Variants in BNIP2 observed in about 807,000 individuals in gnomAD.
BNIP2 encodes BCL2 interacting protein 2, also known as BCL2/adenovirus E1B 19 kDa protein-interacting protein 2.
In BNIP2, 36 loss-of-function variants were observed where a neutral mutation model predicts 43.4. The ratio of observed to expected loss-of-function variants is 0.83; its 90% CI spans 0.64 to 1.10. The LOEUF (loss-of-function observed/expected upper bound fraction) is 1.10. Among genes scored for constraint, BNIP2 ranks in the 50% least tolerant of loss-of-function variants. The pLI is 0.00. For missense variants in BNIP2, 417 were observed against 374.1 expected (o/e 1.11, Z -0.95); for synonymous variants, 146 against 121.0 (o/e 1.21, Z -1.35).
intron 9 of BNIP2, among the ~76,000 whole-genome samples, 193 bp from the exon 10 acceptor site, chr15:59,664,313 T>C (rs1892436872): frequency 6.6e-6 from 1 of 152,190 alleles, no homozygotes; most frequent in South Asian, 2.1e-4. Context: ...AGGAGGACAC[T>C]GGCAAGAAAT....
chr15:59,674,833 C>T (rs779266429), intron 5 of BNIP2, among the ~76,000 whole-genome samples: 12 of 152,210 alleles, frequency 7.9e-5, no homozygotes, highest in Non-Finnish European at 1.3e-4. Flanking sequence ...GGATTTATAA[C>T]TTAAACTTTT....
chr15:59,669,770 GAGA>G (rs1409079700), intron 7 of BNIP2, among the ~76,000 whole-genome samples: 1 of 152,188 alleles, frequency 6.6e-6, no homozygotes, highest in Non-Finnish European at 1.5e-5. Context: ...AGTGTGAGTG[GAGA>G]AGATGACCAC....
intron 1 of BNIP2, chr15:59,688,830 G>GCC: frequency 1.3e-6 from 2 of 1,531,958 alleles, no homozygotes; most frequent in East Asian, 4.9e-5. Flanking sequence ...GGGTAAAAGG[G>GCC]TGGGGGAGCG....
Position 59,669,087 on chromosome 15 carries a change from C to G in BNIP2, c.795-97G>C, listed in dbSNP as rs1003669402. ...CAAAAATCATGTCATTTTGAATGTT[C>G]AAAACACAAAAAGATGATAAATGTC... On this transcript the variant is annotated intron_variant, in intron 8 of 9. Coordinates refer to ENST00000607373, the MANE Select transcript of BNIP2 (RefSeq NM_004330.4). The G allele has an allele frequency of 9.1e-6, 11 of 1,206,164 alleles. No individual in the cohort carries two copies. The African/African-American group carries it at 1.5e-4, about 17-fold the overall frequency. The allele number at this position is 1,206,164 out of a possible 1,614,324, so 74.7% of individuals were successfully genotyped here. A position where few individuals can be genotyped will look rare whatever the true frequency, so the allele number is the denominator to read the frequency against.
Position 59,689,182 on chromosome 15 carries a change from G to GCGA in BNIP2, c.-108_-106dup. ...TCGTCCTCTTCGCCCCTCCAGGCCG[G>GCGA]CGACGTGGGGCTGACGGCCAGGTCG... is the stretch of plus-strand genomic sequence containing the variant. On this transcript the variant is annotated 5_prime_UTR_variant, in exon 1 of 10. Coordinates refer to ENST00000607373, the MANE Select transcript of BNIP2 (RefSeq NM_004330.4). The GCGA allele has an allele frequency of 1.3e-6, 2 of 1,538,852 alleles. No homozygotes were observed. Among genetic ancestry groups the GCGA allele is most frequent in the Non-Finnish European group, 1.7e-6 (2 of 1,146,436 alleles).
intron 1 of BNIP2, among the ~76,000 whole-genome samples, chr15:59,685,091 C>G (rs1291368646): frequency 6.6e-6 from 1 of 152,180 alleles, no homozygotes; most frequent in African/African-American, 2.4e-5. Flanking sequence ...ATATTAATTT[C>G]TATTTGTAAA....
chr15:59,664,175 C>A, intron 9 of BNIP2, 55 bp from the exon 10 acceptor site: 1 of 1,213,514 alleles, frequency 8.2e-7, no homozygotes, highest in South Asian at 1.5e-5. Context: ...AATTTTCTTT[C>A]TAAAAATAAT....
chr15:59,676,954 T>C (rs760369781), intron 5 of BNIP2: 2 of 1,613,080 alleles, frequency 1.2e-6, no homozygotes, highest in Non-Finnish European at 1.7e-6. Context: ...TGATCCTCTC[T>C]GCTGCCATCT....
intron 1 of BNIP2, among the ~76,000 whole-genome samples, chr15:59,684,036 C>A (rs1443332470): frequency 6.6e-6 from 1 of 152,102 alleles, no homozygotes; most frequent in Non-Finnish European, 1.5e-5. Flanking sequence ...AAAAGATGCA[C>A]AAAGTTACAA....
rs1227145297 is a variant in BNIP2, at chr15:59,659,948, T to C, written c.*4121A>G. 1.3e-5 allele frequency: 2 copies of C among 152,220 alleles called. No individual in the cohort carries two copies. Among genetic ancestry groups the C allele is most frequent in the Non-Finnish European group, 2.9e-5 (2 of 68,036 alleles). 9.4% of individuals were successfully genotyped at this position (152,220 alleles called of 1,614,324 possible). A position where few individuals can be genotyped will look rare whatever the true frequency, so the allele number is the denominator to read the frequency against. On this transcript the variant is annotated 3_prime_UTR_variant, in exon 10 of 10. Transcript: ENST00000607373. ...CAGACTACTTTATTTTCAATTATCC[T>C]TTAGAACTTCAAAGGAAAGTTACAT...
At chr15:59,670,021 G>A (rs919608360) in intron 7 of BNIP2, among the ~76,000 whole-genome samples, 1 of 152,168 alleles carries the variant, frequency 6.6e-6, no homozygotes, top group Admixed American at 6.5e-5. Context: ...GCCACAGCAA[G>A]ATCAAACCAA....
At chr15:59,679,171 C>A in intron 4 of BNIP2, 1 of 179,794 alleles carries the variant, frequency 5.6e-6, no homozygotes, top group Non-Finnish European at 1.2e-5. Context: ...ATACTAGGTT[C>A]GGGGGCTAAA....
chr15:59,682,059 T>C (rs1315532715), intron 2 of BNIP2, among the ~76,000 whole-genome samples: 1 of 152,152 alleles, frequency 6.6e-6, no homozygotes, highest in African/African-American at 2.4e-5. Flanking sequence ...AGCTGTGCAG[T>C]GGCTCACACC....
At chr15:59,674,404 A>AT (rs1471676346) in intron 5 of BNIP2, among the ~76,000 whole-genome samples, 2 of 152,186 alleles carry the variant, frequency 1.3e-5, no homozygotes, top group Non-Finnish European at 2.9e-5. Flanking sequence ...AAAAAGTGCT[A>AT]TTTCTGAAAG....
rs571312388 is a variant in BNIP2, at chr15:59,675,861, A to T, written c.472+2050T>A. Among the ~76,000 whole-genome samples the T allele has an allele frequency of 2.0e-5, 3 of 152,364 alleles. No homozygotes were observed. The East Asian group carries it at 5.8e-4, about 29-fold the overall frequency. On this transcript the variant is annotated intron_variant, in intron 5 of 9. Transcript: ENST00000607373. ...CTTCATGCTGAAAAGTAAACAAAAG[A>T]GTGCATAGGATGATTTTAGTTACTA...
In BNIP2 at chr15:59,659,433, A is replaced by C. The variant is rs540711426; in HGVS notation, c.*4636T>G. 6.6e-6 allele frequency: 1 copy of C among 152,352 alleles called. No individual in the cohort carries two copies. Among genetic ancestry groups the C allele is most frequent in the African/African-American group, 2.4e-5 (1 of 41,574 alleles). 9.4% of individuals were successfully genotyped at this position (152,352 alleles called of 1,614,324 possible). A position where few individuals can be genotyped will look rare whatever the true frequency, so the allele number is the denominator to read the frequency against. On this transcript the variant is annotated 3_prime_UTR_variant, in exon 10 of 10. Coordinates refer to ENST00000607373, the MANE Select transcript of BNIP2 (RefSeq NM_004330.4). ...TGACAGCAATGAACCTGTGGTAACA[A>C]AAGTATTTTTGGAATAGATATCAAA...
At chr15:59,675,207 C>T (rs2142003017) in intron 5 of BNIP2, among the ~76,000 whole-genome samples, 1 of 150,782 alleles carries the variant, frequency 6.6e-6, no homozygotes, top group South Asian at 2.1e-4. Flanking sequence ...CGAGATTGCG[C>T]CACTGCACTC....
intron 9 of BNIP2, among the ~76,000 whole-genome samples, chr15:59,667,246 T>A (rs1276151977): frequency 1.3e-5 from 2 of 152,194 alleles, no homozygotes; most frequent in East Asian, 3.8e-4. Context: ...GTGTTCAAAG[T>A]TAAGAATGTT....
In BNIP2 at chr15:59,663,615, T is replaced by C. The variant is rs1892390845; in HGVS notation, c.*454A>G. ...ATTTAACCATTTACAAAAACAAAAA[T>C]TCTAATATGCACTTTAGAAAATCGT... On this transcript the variant is annotated 3_prime_UTR_variant, in exon 10 of 10. Coordinates refer to ENST00000607373, the MANE Select transcript of BNIP2 (RefSeq NM_004330.4). 6.5e-6 allele frequency: 1 copy of C among 152,716 alleles called. No individual in the cohort carries two copies. The highest frequency in any genetic ancestry group is 6.5e-5 in the Admixed American group (1 of 15,276). The allele number at this position is 152,716 out of a possible 1,614,324, so 9.5% of individuals were successfully genotyped here.
Sources: gnomAD v4.1 joint callset for allele counts (sites outside exome capture counted in the v4.1 genomes callset) on GRCh38, gnomAD v4.1.1 for gene constraint, MANE v1.5 for transcripts, NCBI Gene and HGNC (gene_info 2026-07-23, HGNC 2026-07-21) for gene names.